Variants in RAB3IP observed in about 807,000 individuals in gnomAD.
RAB3IP encodes the protein rab-3A-interacting protein.
Under a neutral mutation model 59.1 loss-of-function variants are expected in RAB3IP, and 36 were observed. The observed-to-expected ratio is 0.61, with a 90% CI of 0.47 to 0.80. The LOEUF is 0.80. RAB3IP is among the 30% of genes least tolerant of loss of function. The pLI is 0.00. For synonymous variants in RAB3IP, 207 were observed against 191.2 expected (o/e 1.08, Z -0.68); for missense variants, 511 against 536.0 (o/e 0.95, Z 0.46).
chr12:69,822,459 A>G lies in RAB3IP; in HGVS notation c.*7013A>G, dbSNP rs1881848021. On this transcript the variant is annotated 3_prime_UTR_variant, in exon 11 of 11. Coordinates refer to ENST00000247833, the MANE Select transcript of RAB3IP (RefSeq NM_022456.5). ...ATACACTTAGAATGAATATGCATGG[A>G]ATCAAATTACATTCAGAATCTACCA... The G allele has an allele frequency of 6.6e-6, 1 of 151,826 alleles. No individual in the cohort carries two copies. Among genetic ancestry groups the G allele is most frequent in the East Asian group, 1.9e-4 (1 of 5,160 alleles). The allele number at this position is 151,826 out of a possible 1,614,324, so 9.4% of individuals were successfully genotyped here.
At chr12:69,804,964 G>C (rs900565499) in intron 8 of RAB3IP, among the ~76,000 whole-genome samples, 2 of 152,210 alleles carry the variant, frequency 1.3e-5, no homozygotes, top group Non-Finnish European at 2.9e-5. Flanking sequence ...GCTTAGGATT[G>C]ACTTGGCAAT....
chr12:69,740,135 T>G (rs941948368), intron 1 of RAB3IP, among the ~76,000 whole-genome samples: 1 of 152,194 alleles, frequency 6.6e-6, no homozygotes. Context: ...TTGTTCATTA[T>G]CCTTTTTCTC....
intron 1 of RAB3IP, among the ~76,000 whole-genome samples, chr12:69,751,612 C>T (rs545116788): frequency 1.6e-4 from 25 of 152,218 alleles, no homozygotes; most frequent in African/African-American, 5.5e-4. Flanking sequence ...ATTAGCATAA[C>T]TTATTTGCTT....
intron 1 of RAB3IP, among the ~76,000 whole-genome samples, chr12:69,748,076 T>TG (rs1340176724): frequency 6.6e-6 from 1 of 151,842 alleles, no homozygotes; most frequent in Non-Finnish European, 1.5e-5. Flanking sequence ...CTTTAGTTTT[T>TG]TTTTTTTTTT....
chr12:69,797,510 G>C (rs1395563630), intron 6 of RAB3IP, among the ~76,000 whole-genome samples: 1 of 61,086 alleles, frequency 1.6e-5, no homozygotes, highest in Non-Finnish European at 3.3e-5. Context: ...TAATAAATTT[G>C]CATCTTTCTT....
chr12:69,748,839 T>C lies in RAB3IP; in HGVS notation c.-25-6545T>C, dbSNP rs568122828. On this transcript the variant is annotated intron_variant, in intron 1 of 10. Transcript: ENST00000247833. The stretch of plus-strand genomic sequence containing the variant: ...TGTGAAATAAATCTTAAAGCTTCTA[T>C]GTATTTAAAGGGCAAAAGATTTTCA... 2.0e-5 allele frequency among the ~76,000 whole-genome samples: 3 copies of C among 152,354 alleles called. No homozygotes were observed. In the South Asian group the frequency reaches 6.2e-4, roughly 32 times the overall value.
chr12:69,790,876 G>A (rs1876492962), intron 4 of RAB3IP, among the ~76,000 whole-genome samples: 1 of 152,170 alleles, frequency 6.6e-6, no homozygotes, highest in African/African-American at 2.4e-5. Flanking sequence ...GAGCCACTAT[G>A]CCCAGCCCCA....
chr12:69,755,679 C>G lies in RAB3IP; in HGVS notation c.251+20C>G, dbSNP rs776306237. 2 of 1,574,158 alleles carry G rather than the reference C, an allele frequency of 1.3e-6. No individual in the cohort carries two copies. Among genetic ancestry groups the G allele is most frequent in the Non-Finnish European group, 1.7e-6 (2 of 1,155,160 alleles). On this transcript the variant is annotated intron_variant, in intron 2 of 10. Coordinates refer to ENST00000247833, the MANE Select transcript of RAB3IP (RefSeq NM_022456.5). ...TATCAGGTAGGAAATAAGTAAATCACTTATTTGATTTTTTTTAAAATGGAC... is the reference window on the plus strand; with the variant it reads ...TATCAGGTAGGAAATAAGTAAATCAGTTATTTGATTTTTTTTAAAATGGAC...
At chr12:69,801,038 C>A (rs150958915) in intron 7 of RAB3IP, among the ~76,000 whole-genome samples, 235 of 152,280 alleles carry the variant, frequency 1.5e-3, no homozygotes, top group African/African-American at 4.8e-3. Context: ...GGCTCTGTAT[C>A]TGGTTTCAGG....
rs183502714 is a variant in RAB3IP at position 69,780,653 on chromosome 12, C to T, written c.511-4067C>T. 5.3e-4 allele frequency among the ~76,000 whole-genome samples: 81 copies of T among 152,280 alleles called. No homozygotes were observed. The Middle Eastern group carries it at 0.014, about 26-fold the overall frequency. ...GATATGGGTAAATCTTCTTCTGGGT[C>T]CTTGTGCAAGCAGTAATAAACTGGG... is the stretch of plus-strand genomic sequence containing the variant. On this transcript the variant is annotated intron_variant, in intron 3 of 10. Coordinates refer to ENST00000247833, the MANE Select transcript of RAB3IP (RefSeq NM_022456.5).
rs750994109 is a variant in RAB3IP at position 69,795,167 on chromosome 12, T to C, written c.711T>C (p.Ala237=). 16 of 1,613,740 alleles carry C rather than the reference T, an allele frequency of 9.9e-6. No homozygotes were observed. Among genetic ancestry groups the C allele is most frequent in the Non-Finnish European group, 1.3e-5 (15 of 1,179,798 alleles). Residue 237 remains alanine, a synonymous_variant, in exon 6 of 11, where the codon GCT becomes GCC. Coordinates refer to ENST00000247833, the MANE Select transcript of RAB3IP (RefSeq NM_022456.5). ...GKIDVLQAEV[A]ALKTLVLSSS... ...TTGATGTACTTCAAGCTGAAGTAGC[T>C]GCATTGAAGACACTTGTATTGTCCA...
rs1881330323 is a variant in RAB3IP at position 69,818,117 on chromosome 12, A to G, written c.*2671A>G. 1 of 152,218 alleles carries G rather than the reference A, an allele frequency of 6.6e-6. No homozygotes were observed. Among genetic ancestry groups the G allele is most frequent in the African/African-American group, 2.4e-5 (1 of 41,462 alleles). 9.4% of individuals were successfully genotyped at this position (152,218 alleles called of 1,614,324 possible). A position where few individuals can be genotyped will look rare whatever the true frequency, so the allele number is the denominator to read the frequency against. On this transcript the variant is annotated 3_prime_UTR_variant, in exon 11 of 11. Transcript: ENST00000247833. ...CATTAGGATCACTCACATATTGCTG[A>G]TGGGGGTATCAATTGGTATATCCAC...
At chr12:69,744,408 CAT>C (rs1209479793) in intron 1 of RAB3IP, among the ~76,000 whole-genome samples, 1 of 152,070 alleles carries the variant, frequency 6.6e-6, no homozygotes, top group African/African-American at 2.4e-5. Flanking sequence ...CATCTCTACA[CAT>C]GTCAGGTTGT....
At chr12:69,806,723 G>T (rs1266854450) in intron 8 of RAB3IP, among the ~76,000 whole-genome samples, 1 of 152,086 alleles carries the variant, frequency 6.6e-6, no homozygotes, top group Non-Finnish European at 1.5e-5. Context: ...AGAGGTCCCT[G>T]TGGCCTTCCG....
chr12:69,762,143 A>C (rs554350073), intron 3 of RAB3IP, among the ~76,000 whole-genome samples: 1 of 152,338 alleles, frequency 6.6e-6, no homozygotes, highest in South Asian at 2.1e-4. Flanking sequence ...CAACAAATCC[A>C]TACTGTGTGT....
intron 8 of RAB3IP, among the ~76,000 whole-genome samples, chr12:69,809,458 T>G (rs1349454696): frequency 6.6e-6 from 1 of 152,218 alleles, no homozygotes; most frequent in African/African-American, 2.4e-5. Context: ...CCTTGCTAGA[T>G]TGGGGAAGTT....
intron 3 of RAB3IP, among the ~76,000 whole-genome samples, chr12:69,771,831 C>T (rs898248935): frequency 6.6e-6 from 1 of 152,094 alleles, no homozygotes; most frequent in African/African-American, 2.4e-5. Flanking sequence ...TTGATGATAG[C>T]CATTCTAAGT....
chr12:69,759,612 G>GC (rs1257939134), intron 3 of RAB3IP, among the ~76,000 whole-genome samples: 3 of 147,486 alleles, frequency 2.0e-5, no homozygotes, highest in Admixed American at 6.7e-5. Flanking sequence ...GGGCGGAGGC[G>GC]CCCCCCACCT....
intron 3 of RAB3IP, 97 bp from the exon 4 acceptor site, chr12:69,784,623 A>G (rs1007379397): frequency 2.0e-6 from 1 of 497,922 alleles, no homozygotes; most frequent in Non-Finnish European, 3.4e-6. Flanking sequence ...AAGTGACAGT[A>G]TTCATATTTT....
Sources: allele counts gnomAD v4.1 joint callset (sites outside exome capture counted in the v4.1 genomes callset), GRCh38; gene constraint gnomAD v4.1.1; transcripts MANE v1.5; gene names NCBI Gene and HGNC (gene_info 2026-07-23, HGNC 2026-07-21).